MDGA2: variants seen among roughly 807,000 people sequenced by gnomAD.
The protein encoded by MDGA2 is MAM domain containing glycosylphosphatidylinositol anchor 2.
MDGA2 carries 40 observed loss-of-function variants against 117.8 expected under a neutral mutation model. The ratio of observed to expected loss-of-function variants is 0.34; its 90% confidence interval spans 0.26 to 0.44. The LOEUF is 0.44. Among genes scored for constraint, MDGA2 ranks in the 20% least tolerant of loss-of-function variants. MDGA2 has a pLI of 1.00. For missense variants in MDGA2, 1,123 were observed against 1,250.6 expected, an observed-to-expected ratio of 0.90 and a Z score of 1.54; for synonymous variants, 452 against 439.0, an observed-to-expected ratio of 1.03 and a Z score of -0.37.
At chr14:47,478,363 TC>T (rs1215996817) in intron 1 of MDGA2, among the ~76,000 whole-genome samples, 22 of 152,078 alleles carry the variant, frequency 1.4e-4, no homozygotes, top group Non-Finnish European at 2.9e-4. Context: ...TATTAAAAAT[TC>T]AATTGTATTT....
chr14:47,598,066 T>C (rs1896580814), intron 1 of MDGA2, among the ~76,000 whole-genome samples: 1 of 152,178 alleles, frequency 6.6e-6, no homozygotes, highest in African/African-American at 2.4e-5. Context: ...CAAAAAGGCA[T>C]TCAACATCAT....
Position 47,218,162 on chromosome 14 carries a change from C to T in MDGA2, c.454G>A (p.Asp152Asn). 2 of 1,550,590 alleles carry T rather than the reference C, an allele frequency of 1.3e-6. No individual in the cohort carries two copies. The highest frequency in any genetic ancestry group is 1.7e-6 in the Non-Finnish European group (2 of 1,146,376). The part of the protein sequence containing the change: ...RWTKTAGSAS[D>N]RFQDSSVFNE... Reference sequence around the variant, plus strand: ...AAGACACTTGAGTCTTGGAATCTGTCAGAGGCACTTCCTGCTGTTTTGGTC... The same window carrying T: ...AAGACACTTGAGTCTTGGAATCTGTTAGAGGCACTTCCTGCTGTTTTGGTC... Residue 152 changes from aspartate to asparagine, a missense_variant, in exon 3 of 17, where the codon GAC (aspartate) becomes AAC (asparagine). Transcript: ENST00000399232.
chr14:47,237,397 T>C (rs1446013305), intron 2 of MDGA2, among the ~76,000 whole-genome samples: 1 of 152,150 alleles, frequency 6.6e-6, no homozygotes, highest in Non-Finnish European at 1.5e-5. Context: ...TGAATTCACC[T>C]GAGACAATGC....
chr14:46,985,444 T>A (rs1418624978), intron 8 of MDGA2, among the ~76,000 whole-genome samples: 1 of 151,990 alleles, frequency 6.6e-6, no homozygotes, highest in Admixed American at 6.6e-5. Context: ...ACATGTAAGT[T>A]TTTATGTCCC....
intron 2 of MDGA2, among the ~76,000 whole-genome samples, chr14:47,290,044 A>G (rs1888826177): frequency 6.6e-6 from 1 of 152,158 alleles, no homozygotes; most frequent in African/African-American, 2.4e-5. Flanking sequence ...TGAACTTGCA[A>G]ACGTAAAATG....
rs375269816 is a variant in MDGA2, at chr14:46,971,790, AATGGATAGC to A, written c.1820-14156_1820-14148del. 1.2e-3 allele frequency among the ~76,000 whole-genome samples: 180 copies of A among 152,242 alleles called. 1 individual carries two copies. Among genetic ancestry groups the A allele is most frequent in the African/African-American group, 4.1e-3 (171 of 41,544 alleles). On this transcript the variant is annotated intron_variant, in intron 8 of 16. Coordinates refer to ENST00000399232, the MANE Select transcript of MDGA2 (RefSeq NM_001113498.3). ...TATAGAAATGATAAATATTCAGGGT[AATGGATAGC>A]CCAGATACCCTGACTTGATCATTCC...
intron 6 of MDGA2, among the ~76,000 whole-genome samples, chr14:47,092,774 G>T (rs1270810653): frequency 6.6e-6 from 1 of 152,122 alleles, no homozygotes; most frequent in Non-Finnish European, 1.5e-5. Flanking sequence ...ACAGGGAAGG[G>T]ACATGACCAT....
intron 3 of MDGA2, among the ~76,000 whole-genome samples, chr14:47,202,198 G>A (rs897502795): frequency 5.9e-5 from 9 of 152,070 alleles, no homozygotes; most frequent in African/African-American, 1.9e-4. Flanking sequence ...ACACTTTTGG[G>A]GGCAAATAGC....
At chr14:47,242,361 G>GC (rs755856474) in intron 2 of MDGA2, among the ~76,000 whole-genome samples, 1 of 151,868 alleles carries the variant, frequency 6.6e-6, no homozygotes, top group African/African-American at 2.4e-5. Flanking sequence ...GAGCCCTTCA[G>GC]CCCCCCACTG....
At chr14:46,938,491 G>A (rs1410238930) in intron 9 of MDGA2, among the ~76,000 whole-genome samples, 1 of 126,096 alleles carries the variant, frequency 7.9e-6, no homozygotes, top group Non-Finnish European at 1.6e-5. Context: ...AGTGAGCCAA[G>A]ATCATGCCAT....
intron 1 of MDGA2, among the ~76,000 whole-genome samples, chr14:47,659,150 C>G (rs920883165): frequency 6.6e-6 from 1 of 152,192 alleles, no homozygotes; most frequent in Non-Finnish European, 1.5e-5. Context: ...AAATTTATTC[C>G]TATTTCTCTA....
intron 1 of MDGA2, among the ~76,000 whole-genome samples, chr14:47,457,400 A>G (rs1318447642): frequency 6.6e-6 from 1 of 152,170 alleles, no homozygotes; most frequent in Non-Finnish European, 1.5e-5. Flanking sequence ...ACTAGTACAA[A>G]CTCATTACCC....
chr14:47,612,474 A>G (rs1300278509), intron 1 of MDGA2, among the ~76,000 whole-genome samples: 1 of 152,172 alleles, frequency 6.6e-6, no homozygotes, highest in Non-Finnish European at 1.5e-5. Flanking sequence ...CTTGAGTCAT[A>G]TAACTTTCTT....
chr14:47,210,061 T>C (rs1314219353), intron 3 of MDGA2, among the ~76,000 whole-genome samples: 1 of 152,222 alleles, frequency 6.6e-6, no homozygotes, highest in Non-Finnish European at 1.5e-5. Context: ...TTGTCAATAA[T>C]ATTTTGCTGT....
intron 1 of MDGA2, among the ~76,000 whole-genome samples, chr14:47,664,711 T>A (rs948399558): frequency 4.7e-4 from 71 of 152,328 alleles, no homozygotes; most frequent in Non-Finnish European, 4.4e-5. Flanking sequence ...AATGCCTTCA[T>A]CCCAGTGGCT....
intron 1 of MDGA2, among the ~76,000 whole-genome samples, chr14:47,485,057 CT>C (rs1351429806): frequency 6.6e-6 from 1 of 152,046 alleles, no homozygotes. Flanking sequence ...GTGAAAATGA[CT>C]TTGGAACTGG....
At chr14:47,082,554 T>C (rs1435111250) in intron 6 of MDGA2, among the ~76,000 whole-genome samples, 3 of 152,028 alleles carry the variant, frequency 2.0e-5, no homozygotes, top group Non-Finnish European at 4.4e-5. Context: ...CAGCCACTGA[T>C]TGGAATGAAA....
chr14:46,865,900 AC>A, intron 14 of MDGA2, among the ~76,000 whole-genome samples: 1 of 151,216 alleles, frequency 6.6e-6, no homozygotes, highest in Admixed American at 6.6e-5. Flanking sequence ...GAGGATACAA[AC>A]AAATGGAAGA....
At chr14:46,876,464 A>G (rs1882233539) in intron 12 of MDGA2, among the ~76,000 whole-genome samples, 1 of 151,658 alleles carries the variant, frequency 6.6e-6, no homozygotes, top group Non-Finnish European at 1.5e-5. Flanking sequence ...TAAAAGAGTA[A>G]TAAGTATAAA....
Sources: gnomAD v4.1 joint callset for allele counts (sites outside exome capture counted in the v4.1 genomes callset) on GRCh38, gnomAD v4.1.1 for gene constraint, MANE v1.5 for transcripts, NCBI Gene and HGNC (gene_info 2026-07-23, HGNC 2026-07-21) for gene names.